UBL3: variants seen among roughly 807,000 people sequenced by gnomAD.
UBL3 encodes the protein ubiquitin like 3.
A neutral mutation model predicts 18.4 loss-of-function variants in UBL3; 6 were observed. That is an observed-to-expected ratio of 0.33 (90% CI 0.18 to 0.64). The LOEUF is 0.64. Ranked by LOEUF, UBL3 falls within the 30% of genes least tolerant of loss-of-function variation. UBL3 has a pLI of 0.76. For synonymous variants in UBL3, 49 were observed against 46.6 expected (o/e 1.05, Z -0.21); for missense variants, 109 against 142.9 (o/e 0.76, Z 1.21).
At chr13:29,831,475 C>T (rs1411261438) in intron 1 of UBL3, among the ~76,000 whole-genome samples, 9 of 151,654 alleles carry the variant, frequency 5.9e-5, no homozygotes, top group Non-Finnish European at 1.2e-4. Context: ...GTAATCCCAG[C>T]TATTCGGGAG....
At chr13:29,799,923 T>C (rs12868469) in intron 1 of UBL3, among the ~76,000 whole-genome samples, 1 of 152,104 alleles carries the variant, frequency 6.6e-6, no homozygotes, top group East Asian at 1.9e-4. Flanking sequence ...AGGACAAAAT[T>C]TGTCACATTG....
intron 1 of UBL3, among the ~76,000 whole-genome samples, chr13:29,847,714 T>C (rs975946803): frequency 1.6e-4 from 24 of 152,180 alleles, no homozygotes; most frequent in African/African-American, 5.5e-4. Flanking sequence ...CTTGATGATA[T>C]AAAATGGAGG....
chr13:29,783,078 G>A (rs2139317266), intron 1 of UBL3, among the ~76,000 whole-genome samples: 1 of 152,342 alleles, frequency 6.6e-6, no homozygotes, highest in Middle Eastern at 3.4e-3. Flanking sequence ...TTCTGGCATT[G>A]TATTGAATGA....
At chr13:29,788,885 ACGCGCACGTGTGTGCGTG>A (rs1376355921) in intron 1 of UBL3, among the ~76,000 whole-genome samples, 26 of 27,236 alleles carry the variant, frequency 9.5e-4, no homozygotes, top group Admixed American at 7.9e-3. Context: ...GCGCGCGCGC[ACGCGCACGTGTGTGCGTG>A]TGTGTGTGTG....
intron 1 of UBL3, among the ~76,000 whole-genome samples, chr13:29,778,431 CTT>C (rs1448141018): frequency 6.6e-6 from 1 of 152,066 alleles, no homozygotes; most frequent in Non-Finnish European, 1.5e-5. Context: ...TACTCCTGGC[CTT>C]TGTTAAAAGA....
intron 1 of UBL3, among the ~76,000 whole-genome samples, chr13:29,823,509 G>A (rs1288709947): frequency 3.9e-5 from 6 of 152,090 alleles, no homozygotes; most frequent in African/African-American, 1.4e-4. Context: ...GGACAAATTG[G>A]GACAAGATAC....
chr13:29,847,334 A>G (rs278039), intron 1 of UBL3, among the ~76,000 whole-genome samples: 139,726 of 152,314 alleles, frequency 0.92, 64,152 homozygotes, highest in East Asian at 0.98. Context: ...GGCATTATAT[A>G]TTTATTACAT....
At chr13:29,773,589 T>C (rs1876903120) in intron 2 of UBL3, among the ~76,000 whole-genome samples, 2 of 152,154 alleles carry the variant, frequency 1.3e-5, no homozygotes, top group Non-Finnish European at 2.9e-5. Context: ...TGAATTTTTT[T>C]TTTGAGATGC....
At chr13:29,784,577 A>C (rs190691656) in intron 1 of UBL3, among the ~76,000 whole-genome samples, 9 of 152,168 alleles carry the variant, frequency 5.9e-5, no homozygotes, top group East Asian at 1.9e-4. Flanking sequence ...AAAAAAAAAA[A>C]AACAACTCCC....
rs888432931 is a variant in UBL3, at chr13:29,850,135, G to T, written c.-597C>A. ...AAACGGCTCAACTCGCGCCGCGGGG[G>T]CGAAGAGCCGGGCCGCGGAAACCCG... On this transcript the variant is annotated 5_prime_UTR_variant, in exon 1 of 5. Transcript: ENST00000380680. The T allele has an allele frequency of 6.6e-6, 1 of 152,386 alleles. No homozygotes were observed. Among genetic ancestry groups the T allele is most frequent in the Non-Finnish European group, 1.5e-5 (1 of 68,136 alleles). The allele number at this position is 152,386 out of a possible 1,614,324, so 9.4% of individuals were successfully genotyped here.
intron 1 of UBL3, among the ~76,000 whole-genome samples, chr13:29,803,612 G>GA (rs59408343): frequency 0.29 from 41,713 of 143,686 alleles, 5,833 homozygotes; most frequent in East Asian, 0.42. Context: ...ATGGAAAACA[G>GA]AAAAAAAAAA....
At chr13:29,819,172 T>C (rs1256436758) in intron 1 of UBL3, among the ~76,000 whole-genome samples, 1 of 152,216 alleles carries the variant, frequency 6.6e-6, no homozygotes, top group Non-Finnish European at 1.5e-5. Flanking sequence ...TCTCTACTTC[T>C]GTATGTTTGA....
chr13:29,781,601 T>C lies in UBL3; in HGVS notation c.28-4338A>G, dbSNP rs550974364. On this transcript the variant is annotated intron_variant, in intron 1 of 4. Coordinates refer to ENST00000380680, the MANE Select transcript of UBL3 (RefSeq NM_007106.4). ...CGCTCTGGTGGGGGAACGCTGATAATAGGGGAGGCCGTGCATGCATGGGGG... is the reference window on the plus strand; with the variant it reads ...CGCTCTGGTGGGGGAACGCTGATAACAGGGGAGGCCGTGCATGCATGGGGG... Among the ~76,000 whole-genome samples the C allele has an allele frequency of 2.2e-4, 33 of 151,914 alleles. No homozygotes were observed. In the South Asian group the frequency reaches 6.2e-3, roughly 29 times the overall value.
At chr13:29,816,328 T>C (rs1878280151) in intron 1 of UBL3, among the ~76,000 whole-genome samples, 1 of 152,182 alleles carries the variant, frequency 6.6e-6, no homozygotes, top group African/African-American at 2.4e-5. Flanking sequence ...GGGAATTTAC[T>C]TTTAGAACCA....
intron 1 of UBL3, among the ~76,000 whole-genome samples, chr13:29,786,988 A>G (rs1002498350): frequency 6.6e-6 from 1 of 152,194 alleles, no homozygotes; most frequent in Admixed American, 6.5e-5. Context: ...CTCATTTTAA[A>G]ATGTAGGTGG....
chr13:29,777,605 C>A, intron 1 of UBL3: 1 of 263,654 alleles, frequency 3.8e-6, no homozygotes, highest in Non-Finnish European at 7.8e-6. Context: ...TACATTTTTA[C>A]CCAAAAATTA....
Position 29,849,649 on chromosome 13 carries a change from G to A in UBL3, c.-111C>T. Reference sequence around the variant, plus strand: ...CACGATTTTGACTGGTTCGTGATGTGCTTTCTCCCCCAAAAATAAAGTTAT... The same window carrying A: ...CACGATTTTGACTGGTTCGTGATGTACTTTCTCCCCCAAAAATAAAGTTAT... On this transcript the variant is annotated 5_prime_UTR_variant, in exon 1 of 5. Transcript: ENST00000380680. 1 of 1,379,558 alleles carries A rather than the reference G, an allele frequency of 7.2e-7. No individual in the cohort carries two copies. Among genetic ancestry groups the A allele is most frequent in the Non-Finnish European group, 1.0e-6 (1 of 988,434 alleles). 85.5% of individuals were successfully genotyped at this position (1,379,558 alleles called of 1,614,324 possible). A position where few individuals can be genotyped will look rare whatever the true frequency, so the allele number is the denominator to read the frequency against.
Position 29,765,798 on chromosome 13 carries a change from A to AT in UBL3, c.*1456dup, listed in dbSNP as rs950175030. ...AAGCCTTTTCATCAAAGCATTAACA[A>AT]TGAATAAAATAACATGATTACATTT... On this transcript the variant is annotated 3_prime_UTR_variant, in exon 5 of 5. Transcript: ENST00000380680. 11 of 152,726 alleles carry AT rather than the reference A, an allele frequency of 7.2e-5. No individual in the cohort carries two copies. Among genetic ancestry groups the AT allele is most frequent in the African/African-American group, 2.6e-4 (11 of 41,594 alleles). The allele number at this position is 152,726 out of a possible 1,614,324, so 9.5% of individuals were successfully genotyped here. A position where few individuals can be genotyped will look rare whatever the true frequency, so the allele number is the denominator to read the frequency against.
intron 1 of UBL3, among the ~76,000 whole-genome samples, chr13:29,847,846 A>G (rs1207151339): frequency 6.6e-6 from 1 of 152,154 alleles, no homozygotes; most frequent in East Asian, 1.9e-4. Flanking sequence ...AGCAGTATGG[A>G]GGAAAGCTTG....
Sources: allele counts gnomAD v4.1 joint callset (sites outside exome capture counted in the v4.1 genomes callset), GRCh38; gene constraint gnomAD v4.1.1; transcripts MANE v1.5; gene names NCBI Gene and HGNC (gene_info 2026-07-23, HGNC 2026-07-21).